WDR89: variants seen among roughly 807,000 people sequenced by gnomAD.
The protein encoded by WDR89 is WD repeat-containing protein 89.
In WDR89, 17 loss-of-function variants were observed where a neutral mutation model predicts 29.1. The ratio of observed to expected loss-of-function variants is 0.58; its 90% CI spans 0.40 to 0.88. The LOEUF (loss-of-function observed/expected upper bound fraction) is 0.88. Ranked by LOEUF, WDR89 falls within the 40% of genes least tolerant of loss-of-function variation. The pLI, the probability that WDR89 is intolerant of heterozygous loss-of-function variation, is 0.00. For synonymous variants in WDR89, 138 were observed against 157.8 expected, an observed-to-expected ratio of 0.87 and a Z score of 0.94; for missense variants, 396 against 456.3, an observed-to-expected ratio of 0.87 and a Z score of 1.20.
intron 1 of WDR89, among the ~76,000 whole-genome samples, chr14:63,633,581 A>G (rs1883541261): frequency 6.6e-6 from 1 of 152,232 alleles, no homozygotes; most frequent in Non-Finnish European, 1.5e-5. Flanking sequence ...CAAAAGGACT[A>G]CGTTGAAATA....
chr14:63,610,493 C>A (rs1881894140), intron 2 of WDR89, among the ~76,000 whole-genome samples: 1 of 151,846 alleles, frequency 6.6e-6, no homozygotes, highest in Non-Finnish European at 1.5e-5. Flanking sequence ...AAGATAGTAA[C>A]CTAATTGTGG....
rs115254066 is a variant in WDR89 at position 63,640,434 on chromosome 14, T to C, written c.-138+1370A>G. Among the ~76,000 whole-genome samples the C allele has an allele frequency of 2.0e-3, 301 of 152,308 alleles. 1 individual carries two copies. Among genetic ancestry groups the C allele is most frequent in the African/African-American group, 6.5e-3 (270 of 41,568 alleles). On this transcript the variant is annotated intron_variant, in intron 1 of 2. Coordinates refer to ENST00000620954, the MANE Select transcript of WDR89 (RefSeq NM_080666.4). ...CCTACTGCGATGTCTTTCCTCTAGATCATTTTACCTTGGTAACAATCGATT... is the reference window on the plus strand; with the variant it reads ...CCTACTGCGATGTCTTTCCTCTAGACCATTTTACCTTGGTAACAATCGATT...
chr14:63,601,769 T>A, intron 2 of WDR89: 1 of 1,300,834 alleles, frequency 7.7e-7, no homozygotes, highest in Non-Finnish European at 1.1e-6. Context: ...ACAAGGATTA[T>A]TTCCTATTTA....
chr14:63,614,804 G>A (rs1882206776), intron 2 of WDR89, among the ~76,000 whole-genome samples: 2 of 152,150 alleles, frequency 1.3e-5, no homozygotes, highest in South Asian at 2.1e-4. Context: ...TTAGTGGAAG[G>A]TATGCTAAAC....
At chr14:63,609,017 C>CA (rs1038558000) in intron 2 of WDR89, among the ~76,000 whole-genome samples, 8 of 151,578 alleles carry the variant, frequency 5.3e-5, no homozygotes, top group Admixed American at 2.0e-4. Context: ...GGGAATGAGG[C>CA]AAGGGAATCG....
chr14:63,622,965 C>G lies in WDR89; in HGVS notation c.-32+1963G>C, dbSNP rs568982861. Among the ~76,000 whole-genome samples the G allele has an allele frequency of 5.3e-5, 8 of 151,114 alleles. No homozygotes were observed. In the South Asian group the frequency reaches 8.4e-4, roughly 16 times the overall value. On this transcript the variant is annotated intron_variant, in intron 2 of 2. Coordinates refer to ENST00000620954, the MANE Select transcript of WDR89 (RefSeq NM_080666.4). ...CTGTAATCCCAGCACTTTGGGTGGC[C>G]AAGGTGGGTGGGTCACTTCGACCTA...
intron 2 of WDR89, 131 bp from the exon 3 acceptor site, chr14:63,600,104 T>C: frequency 2.1e-6 from 1 of 470,302 alleles, no homozygotes; most frequent in African/African-American, 2.0e-5. Context: ...CTGGCATGAA[T>C]CAATCAATCA....
intron 1 of WDR89, among the ~76,000 whole-genome samples, chr14:63,637,845 T>C (rs111697860): frequency 0.015 from 2,309 of 152,220 alleles, 48 homozygotes; most frequent in African/African-American, 0.05. Flanking sequence ...AAATATGGTG[T>C]AGTGTATACT....
At chr14:63,631,869 T>C (rs1883426268) in intron 1 of WDR89, among the ~76,000 whole-genome samples, 2 of 152,142 alleles carry the variant, frequency 1.3e-5, no homozygotes, top group African/African-American at 2.4e-5. Flanking sequence ...CCCAGCACTT[T>C]GGGAGGCCTA....
chr14:63,618,497 A>T (rs1283934440), intron 2 of WDR89, among the ~76,000 whole-genome samples: 1 of 152,128 alleles, frequency 6.6e-6, no homozygotes, highest in African/African-American at 2.4e-5. Context: ...GACAACAGGA[A>T]AGAATTCTTG....
intron 2 of WDR89, among the ~76,000 whole-genome samples, chr14:63,607,697 C>T (rs564300599): frequency 2.9e-4 from 44 of 151,532 alleles, no homozygotes; most frequent in Non-Finnish European, 4.4e-4. Context: ...GCCTGACCAA[C>T]ATGGAGAAAA....
intron 2 of WDR89, among the ~76,000 whole-genome samples, chr14:63,621,267 C>A (rs1460504467): frequency 6.6e-6 from 1 of 152,030 alleles, no homozygotes; most frequent in African/African-American, 2.4e-5. Flanking sequence ...TTATTGGAGA[C>A]AGAGTCTCAC....
chr14:63,611,661 C>A (rs1289239757), intron 2 of WDR89, among the ~76,000 whole-genome samples: 2 of 151,874 alleles, frequency 1.3e-5, no homozygotes, highest in Non-Finnish European at 2.9e-5. Context: ...GAACTCTGTA[C>A]TATTTTTGCA....
chr14:63,622,938 C>T (rs1031908638), intron 2 of WDR89, among the ~76,000 whole-genome samples: 13 of 151,752 alleles, frequency 8.6e-5, no homozygotes, highest in African/African-American at 2.4e-4. Context: ...CAGTGGCTCA[C>T]GCTGTAATCC....
intron 1 of WDR89, chr14:63,641,454 C>T (rs1884130582): frequency 6.6e-6 from 1 of 152,228 alleles, no homozygotes; most frequent in African/African-American, 2.4e-5. Flanking sequence ...GGAGAGTATC[C>T]GTGGAGAGGA....
chr14:63,635,876 CA>C (rs1883701191), intron 1 of WDR89, among the ~76,000 whole-genome samples: 1 of 152,148 alleles, frequency 6.6e-6, no homozygotes, highest in South Asian at 2.1e-4. Context: ...ACCCCTTTTA[CA>C]ATAGCTGCAA....
rs191779224 is a variant in WDR89, at chr14:63,618,636, T to A, written c.-32+6292A>T. Among the ~76,000 whole-genome samples, 112 of 151,894 alleles carry A rather than the reference T, an allele frequency of 7.4e-4. 2 individuals are homozygous for A. In the East Asian group the frequency reaches 0.012, roughly 16 times the overall value. ...AAATCAGAGGATTGATCAATCAATCTAAGTCAAACATCCTAAAAATGAAAA... is the reference window on the plus strand; with the variant it reads ...AAATCAGAGGATTGATCAATCAATCAAAGTCAAACATCCTAAAAATGAAAA... On this transcript the variant is annotated intron_variant, in intron 2 of 2. Transcript: ENST00000620954.
rs1894880217 is a variant in WDR89, at chr14:63,598,259, TATC to T, written c.*517_*519del. ...ATTTTTCTCACTTTACATAGATGCC[TATC>T]ATTTCATTTGTAAAAAAGGTTAATT... On this transcript the variant is annotated 3_prime_UTR_variant, in exon 3 of 3. Coordinates refer to ENST00000620954, the MANE Select transcript of WDR89 (RefSeq NM_080666.4). The T allele has an allele frequency of 6.6e-6, 1 of 152,250 alleles. No individual in the cohort carries two copies. Among genetic ancestry groups the T allele is most frequent in the Non-Finnish European group, 1.5e-5 (1 of 68,058 alleles). 9.4% of individuals were successfully genotyped at this position (152,250 alleles called of 1,614,324 possible). A position where few individuals can be genotyped will look rare whatever the true frequency, so the allele number is the denominator to read the frequency against.
At chr14:63,639,388 A>G (rs1883948066) in intron 1 of WDR89, among the ~76,000 whole-genome samples, 1 of 148,692 alleles carries the variant, frequency 6.7e-6, no homozygotes, top group Non-Finnish European at 1.5e-5. Flanking sequence ...GGAAGAGGTG[A>G]CTCTCTTGAG....
Sources: allele counts gnomAD v4.1 joint callset (sites outside exome capture counted in the v4.1 genomes callset), GRCh38; gene constraint gnomAD v4.1.1; transcripts MANE v1.5; gene names NCBI Gene and HGNC (gene_info 2026-07-23, HGNC 2026-07-21).